Variants in DNAJB12 observed in about 807,000 individuals in gnomAD.
DNAJB12 encodes DnaJ heat shock protein family (Hsp40) member B12, also known as dnaJ homolog subfamily B member 12.
DNAJB12 carries 14 observed loss-of-function variants against 40.6 expected under a neutral mutation model. The ratio of observed to expected loss-of-function variants is 0.34; its 90% confidence interval spans 0.23 to 0.54. The LOEUF (loss-of-function observed/expected upper bound fraction) is 0.54, where lower values mean the gene tolerates loss of function less well. Among genes scored for constraint, DNAJB12 ranks in the 20% least tolerant of loss-of-function variants. The pLI is 0.92. For missense variants in DNAJB12, 444 were observed against 501.7 expected (o/e 0.89, Z 1.10); for synonymous variants, 181 against 199.5 (o/e 0.91, Z 0.78).
rs1300875726 is a variant in DNAJB12 at position 72,346,961 on chromosome 10, GT to G, written c.134-1835del. On this transcript the variant is annotated intron_variant, in intron 1 of 8. Coordinates refer to ENST00000444643, the MANE Select transcript of DNAJB12 (RefSeq NM_017626.7). ...GCACTACTCCCTATTTTTACCATTG[GT>G]TTTTTTTTTTTTTCTTTTTTGAGAC... 5.1e-4 allele frequency among the ~76,000 whole-genome samples: 72 copies of G among 142,200 alleles called. 1 individual carries two copies. The highest frequency in any genetic ancestry group is 3.6e-3 in the Middle Eastern group (1 of 276). The allele number at this position is 142,200 out of a possible 152,430, so 93.3% of individuals were successfully genotyped here. A position where few individuals can be genotyped will look rare whatever the true frequency, so the allele number is the denominator to read the frequency against.
chr10:72,350,398 C>CAA lies in DNAJB12; in HGVS notation c.133+4365_133+4366dup, dbSNP rs35316232. ...TGGGCAACAGAGTGAGACCCTGTCT[C>CAA]AAAAAAAAAAAAAAAAAAAAAAAAA... On this transcript the variant is annotated intron_variant, in intron 1 of 8. Coordinates refer to ENST00000444643, the MANE Select transcript of DNAJB12 (RefSeq NM_017626.7). Among the ~76,000 whole-genome samples, 87 of 27,786 alleles carry CAA rather than the reference C, an allele frequency of 3.1e-3. 6 individuals carry two copies. Among genetic ancestry groups the CAA allele is most frequent in the Admixed American group, 4.4e-3 (9 of 2,046 alleles). 18.2% of individuals were successfully genotyped at this position (27,786 alleles called of 152,430 possible).
intron 8 of DNAJB12, 169 bp from the exon 9 acceptor site, chr10:72,334,786 G>A (rs1410817788): frequency 1.4e-6 from 2 of 1,390,532 alleles, no homozygotes; most frequent in African/African-American, 1.5e-5. Flanking sequence ...ACAGAGGCAG[G>A]CACAAATGGC....
intron 1 of DNAJB12, among the ~76,000 whole-genome samples, 187 bp downstream of exon 1, chr10:72,354,578 C>T (rs1862015999): frequency 6.6e-6 from 1 of 152,242 alleles, no homozygotes; most frequent in African/African-American, 2.4e-5. Flanking sequence ...AGTCTCCAGA[C>T]GGCTCGCATC....
chr10:72,354,720 C>T (rs758947136), intron 1 of DNAJB12, 45 bp downstream of exon 1: 7 of 1,532,418 alleles, frequency 4.6e-6, no homozygotes, highest in Non-Finnish European at 6.2e-6. Flanking sequence ...CGTGTTCCCC[C>T]CATCAGTTCT....
Position 72,334,280 on chromosome 10 carries a change from G to C in DNAJB12, c.*368C>G, listed in dbSNP as rs1057507223. On this transcript the variant is annotated 3_prime_UTR_variant, in exon 9 of 9. Transcript: ENST00000444643. Reference sequence around the variant, plus strand: ...AGGTGGCTGGTGGTGGCTCCTGTGAGGGAGGAAAGGCAGCTGGGTGCCCCC... The same window carrying C: ...AGGTGGCTGGTGGTGGCTCCTGTGACGGAGGAAAGGCAGCTGGGTGCCCCC... 2.3e-6 allele frequency: 1 copy of C among 432,068 alleles called. No homozygotes were observed. The highest frequency in any genetic ancestry group is 2.1e-5 in the African/African-American group (1 of 47,858). 26.8% of individuals were successfully genotyped at this position (432,068 alleles called of 1,614,324 possible). A position where few individuals can be genotyped will look rare whatever the true frequency, so the allele number is the denominator to read the frequency against.
At chr10:72,354,696 C>T (rs375559748) in intron 1 of DNAJB12, 69 bp downstream of exon 1, 2 of 1,429,888 alleles carry the variant, frequency 1.4e-6, no homozygotes, top group Non-Finnish European at 1.9e-6. Flanking sequence ...CAACTGCTCC[C>T]GTCGGTCCGT....
intron 5 of DNAJB12, among the ~76,000 whole-genome samples, chr10:72,340,138 A>G (rs947560600): frequency 6.6e-6 from 1 of 152,070 alleles, no homozygotes; most frequent in African/African-American, 2.4e-5. Context: ...AGAGGTCAGG[A>G]GTTCAAGGCC....
chr10:72,340,587 A>C (rs1230388749), intron 5 of DNAJB12, among the ~76,000 whole-genome samples: 1 of 152,116 alleles, frequency 6.6e-6, no homozygotes, highest in South Asian at 2.1e-4. Flanking sequence ...GGCAATGTGG[A>C]GCATGGCTCC....
Position 72,335,133 on chromosome 10 carries a change from C to T in DNAJB12, c.*31-516G>A. The stretch of plus-strand genomic sequence containing the variant: ...AGGCCGGATGCCTGTGGCTTCCAGG[C>T]TGCCAGGTGTGACGGCATTCGAGAG... On this transcript the variant is annotated intron_variant, in intron 8 of 8. Coordinates refer to ENST00000444643, the MANE Select transcript of DNAJB12 (RefSeq NM_017626.7). This position sits in a 1 kb window ranked among gnomAD's most constrained non-coding sequence, Gnocchi z 4.4. 1 of 989,216 alleles carries T rather than the reference C, an allele frequency of 1.0e-6. No individual in the cohort carries two copies. Among genetic ancestry groups the T allele is most frequent in the Non-Finnish European group, 1.2e-6 (1 of 831,972 alleles). 61.3% of individuals were successfully genotyped at this position (989,216 alleles called of 1,614,324 possible).
chr10:72,336,049 G>T, intron 7 of DNAJB12, 118 bp from the exon 8 acceptor site: 1 of 1,315,988 alleles, frequency 7.6e-7, no homozygotes. Flanking sequence ...CTTGGGCAGG[G>T]CTGGCCTCCC....
rs1458811147 is a variant in DNAJB12, at chr10:72,336,610, C to G, written c.920G>C (p.Gly307Ala). 2 of 1,614,176 alleles carry G rather than the reference C, an allele frequency of 1.2e-6. No individual in the cohort carries two copies. Among genetic ancestry groups the G allele is most frequent in the Non-Finnish European group, 1.7e-6 (2 of 1,180,010 alleles). Residue 307 changes from glycine to alanine, a missense_variant, in exon 7 of 9, where the codon GGC (glycine) becomes GCC (alanine). By Grantham distance (60) the Gly-to-Ala change is moderately conservative (BLOSUM62 0). Transcript: ENST00000444643. ...VGDTFSEEYT[G>A]SSLKTVERNV... ...CCGCTCGACTGTTTTGAGGCTGGAG[C>G]CTGTGTACTCTTCGGAGAAAGTGTC... is the stretch of plus-strand genomic sequence containing the variant.
At chr10:72,338,423 C>G (rs1036022428) in intron 5 of DNAJB12, 112 bp from the exon 6 acceptor site, 1 of 803,816 alleles carries the variant, frequency 1.2e-6, no homozygotes, top group South Asian at 1.6e-5. Flanking sequence ...TGACACCACT[C>G]TGCCGTTCCC....
intron 1 of DNAJB12, 35 bp from the exon 2 acceptor site, chr10:72,345,162 C>T (rs749296446): frequency 6.4e-7 from 1 of 1,562,692 alleles, no homozygotes; most frequent in Non-Finnish European, 8.7e-7. Context: ...AGAGCTCCTG[C>T]TCAAGCAGGC....
intron 1 of DNAJB12, chr10:72,353,752 C>G (rs1237354625): frequency 6.6e-6 from 1 of 152,166 alleles, no homozygotes; most frequent in Non-Finnish European, 1.5e-5. Context: ...ATCACATTAT[C>G]TGCGCCAACC....
At chr10:72,347,384 G>C (rs996911410) in intron 1 of DNAJB12, among the ~76,000 whole-genome samples, 1 of 152,240 alleles carries the variant, frequency 6.6e-6, no homozygotes, top group Non-Finnish European at 1.5e-5. Flanking sequence ...TTTCAGGTGG[G>C]ATCAGTCAGG....
intron 3 of DNAJB12, 62 bp downstream of exon 3, chr10:72,343,304 T>C (rs1861687541): frequency 1.9e-6 from 3 of 1,563,008 alleles, no homozygotes; most frequent in African/African-American, 2.7e-5. Flanking sequence ...CTTGGTCCCT[T>C]ACTCCCTGCC....
At chr10:72,338,426 C>A in intron 5 of DNAJB12, 115 bp from the exon 6 acceptor site, 1 of 789,258 alleles carries the variant, frequency 1.3e-6, no homozygotes, top group Non-Finnish European at 2.1e-6. Context: ...CACCACTCTG[C>A]CGTTCCCTCC....
intron 1 of DNAJB12, chr10:72,353,807 T>C (rs1328929600): frequency 6.6e-6 from 1 of 152,224 alleles, no homozygotes; most frequent in Non-Finnish European, 1.5e-5. Context: ...GAAGGTCACG[T>C]GGTAGCCGTC....
chr10:72,354,809 A>G lies in DNAJB12; in HGVS notation c.89T>C (p.Phe30Ser). The G allele has an allele frequency of 6.2e-7, 1 of 1,613,936 alleles. No homozygotes were observed. Among genetic ancestry groups the G allele is most frequent in the Non-Finnish European group, 8.5e-7 (1 of 1,179,894 alleles). ...ATACAGCCGCTGTGCCTTCTCCAGG[A>G]AGCGGAGCGCCCGGTCGGGCTGGTT... ...QSNQPDRALR[F>S]LEKAQRLYPT... The change falls in exon 1 of 9, where the codon TTC becomes TCC. Residue 30 changes from phenylalanine to serine, a missense_variant. By Grantham distance (155) the Phe-to-Ser change is radical. Transcript: ENST00000444643.
Sources: allele counts gnomAD v4.1 joint callset (sites outside exome capture counted in the v4.1 genomes callset), GRCh38; gene constraint gnomAD v4.1.1; non-coding constraint Gnocchi (gnomAD v3.1); transcripts MANE v1.5; gene names NCBI Gene and HGNC (gene_info 2026-07-23, HGNC 2026-07-21).